The following LTF variants were observed in gnomAD, a reference collection of about 807,000 sequenced individuals.
The protein encoded by LTF is lactotransferrin, also known as epididymis luminal protein 110.
LTF carries 91 observed loss-of-function variants against 87.2 expected under a neutral mutation model. The ratio of observed to expected loss-of-function variants is 1.04; its 90% confidence interval spans 0.88 to 1.24. LTF has a LOEUF of 1.24. LTF is among the 50% of genes most tolerant of loss of function. LTF has a pLI of 0.00. For missense variants in LTF, 901 were observed against 904.3 expected (o/e 1.00, Z 0.05); for synonymous variants, 378 against 356.1 (o/e 1.06, Z -0.69).
intron 1 of LTF, among the ~76,000 whole-genome samples, chr3:46,473,265 T>C (rs558690582): frequency 2.6e-5 from 4 of 152,268 alleles, no homozygotes; most frequent in African/African-American, 9.6e-5. Flanking sequence ...TCAATCTCCT[T>C]CCTCCTTTGG....
upstream of LTF, chr3:46,468,121 A>C: frequency 2.2e-6 from 1 of 446,796 alleles, no homozygotes; most frequent in Non-Finnish European, 4.5e-6. Context: ...TGAATAAATG[A>C]GGAAGAGGAA....
chr3:46,454,637 A>C (rs868363709), intron 5 of LTF, among the ~76,000 whole-genome samples: 5 of 152,238 alleles, frequency 3.3e-5, no homozygotes, highest in Admixed American at 6.5e-5. Flanking sequence ...GCCTCTACCC[A>C]AGAGGGTAAA....
intron 2 of LTF, among the ~76,000 whole-genome samples, chr3:46,457,536 TATA>T (rs1406885302): frequency 1.3e-5 from 2 of 152,352 alleles, no homozygotes; most frequent in East Asian, 3.9e-4. Flanking sequence ...CCAGAAGACT[TATA>T]ATACCAATTC....
rs1478246786 is a variant in LTF at position 46,436,148 on chromosome 3, G to A, written c.*47C>T. The A allele has an allele frequency of 6.2e-7, 1 of 1,604,588 alleles. No individual in the cohort carries two copies. The highest frequency in any genetic ancestry group is 8.5e-7 in the Non-Finnish European group (1 of 1,171,364). On this transcript the variant is annotated 3_prime_UTR_variant, in exon 17 of 17. Transcript: ENST00000231751. ...CACCTGGGGAGAAGAGCTGGGGGCA[G>A]TGAATGGCTGAGGCTTTCTTGGGGA...
At chr3:46,468,122 G>C (rs1703238248), upstream of LTF, 1 of 447,288 alleles carries the variant, frequency 2.2e-6, no homozygotes, top group Non-Finnish European at 4.5e-6. Context: ...GAATAAATGA[G>C]GAAGAGGAAC....
chr3:46,449,226 G>A (rs1329816399), intron 8 of LTF, among the ~76,000 whole-genome samples: 2 of 152,158 alleles, frequency 1.3e-5, no homozygotes, highest in Non-Finnish European at 2.9e-5. Context: ...TCCCACTTCT[G>A]TTCCTTTGGA....
At chr3:46,449,818 C>A (rs189046719) in intron 8 of LTF, 36 bp downstream of exon 8, 1 of 1,611,380 alleles carries the variant, frequency 6.2e-7, no homozygotes, top group Admixed American at 1.7e-5. Flanking sequence ...GAAGACCACA[C>A]CAGGCGGACC....
At chr3:46,469,140 CTG>C (rs1703251866), upstream of LTF, among the ~76,000 whole-genome samples, 1 of 152,210 alleles carries the variant, frequency 6.6e-6, no homozygotes, top group South Asian at 2.1e-4. Context: ...AACAACGACT[CTG>C]TGAGTTAAGA....
rs537961112 is a variant in LTF, at chr3:46,435,786, T to G, written c.*409A>C. ...ACACTCCCAGGCACATACATGCACGTGCACTGAGACAGCTATGTGAATAAC... is the reference window on the plus strand; with the variant it reads ...ACACTCCCAGGCACATACATGCACGGGCACTGAGACAGCTATGTGAATAAC... On this transcript the variant is annotated 3_prime_UTR_variant, in exon 17 of 17. Transcript: ENST00000231751. The G allele has an allele frequency of 7.0e-4, 173 of 248,260 alleles. 1 individual carries two copies. The highest frequency in any genetic ancestry group is 9.8e-4 in the Admixed American group (19 of 19,468). The allele number at this position is 248,260 out of a possible 1,614,324, so 15.4% of individuals were successfully genotyped here.
chr3:46,480,611 C>A (rs1213337550), intron 1 of LTF, among the ~76,000 whole-genome samples: 2 of 152,144 alleles, frequency 1.3e-5, no homozygotes, highest in African/African-American at 2.4e-5. Context: ...AGCATCATGG[C>A]CTTTCCATGA....
At chr3:46,450,453 C>A in intron 7 of LTF, 42 bp downstream of exon 7, 1 of 1,569,352 alleles carries the variant, frequency 6.4e-7, no homozygotes, top group South Asian at 1.1e-5. Flanking sequence ...GCTCCCTGCC[C>A]CCCATATCCA....
At chr3:46,463,790 G>A (rs1424627886) in intron 1 of LTF, 2 of 238,776 alleles carry the variant, frequency 8.4e-6, no homozygotes, top group Non-Finnish European at 1.4e-5. Context: ...GAGAACAGTC[G>A]GGTCCTGGCC....
At chr3:46,479,444 G>A (rs761098928) in intron 1 of LTF, among the ~76,000 whole-genome samples, 1 of 152,360 alleles carries the variant, frequency 6.6e-6, no homozygotes, top group East Asian at 1.9e-4. Flanking sequence ...CAGAACAAGT[G>A]GGGAGCAGAG....
At chr3:46,468,003 C>T (rs529084230), upstream of LTF, among the ~76,000 whole-genome samples, 2 of 152,268 alleles carry the variant, frequency 1.3e-5, no homozygotes, top group South Asian at 2.1e-4. Context: ...TATTTCCTAC[C>T]GCTTTCCACC....
At chr3:46,442,343 T>C (rs1439808622) in intron 13 of LTF, among the ~76,000 whole-genome samples, 3 of 152,114 alleles carry the variant, frequency 2.0e-5, no homozygotes, top group African/African-American at 7.2e-5. Context: ...TAAAGGGGTA[T>C]GACACTGGTT....
chr3:46,463,179 A>G (rs1161673931), intron 1 of LTF, among the ~76,000 whole-genome samples: 1 of 152,112 alleles, frequency 6.6e-6, no homozygotes, highest in Non-Finnish European at 1.5e-5. Context: ...AGTGTCAGGC[A>G]CTCAGATGCT....
intron 12 of LTF, 107 bp from the exon 13 acceptor site, chr3:46,443,689 G>T (rs1702578090): frequency 3.9e-6 from 4 of 1,023,974 alleles, no homozygotes; most frequent in Admixed American, 3.5e-5. Flanking sequence ...GACTTCCCAG[G>T]ACAGCAATCT....
At chr3:46,480,154 G>A (rs993562917) in intron 1 of LTF, among the ~76,000 whole-genome samples, 4 of 152,188 alleles carry the variant, frequency 2.6e-5, no homozygotes, top group Non-Finnish European at 4.4e-5. Flanking sequence ...CTGCCATTCA[G>A]AATGGCATTG....
At chr3:46,463,397 C>T in intron 1 of LTF, 2 of 923,100 alleles carry the variant, frequency 2.2e-6, no homozygotes, top group Non-Finnish European at 2.6e-6. Flanking sequence ...CAGACAGACT[C>T]CTCCACCCAA....
Sources: gnomAD v4.1 joint callset for allele counts (sites outside exome capture counted in the v4.1 genomes callset) on GRCh38, gnomAD v4.1.1 for gene constraint, MANE v1.5 for transcripts, NCBI Gene and HGNC (gene_info 2026-07-23, HGNC 2026-07-21) for gene names.